Variants in SEPTIN7 observed in about 807,000 individuals in gnomAD.
SEPTIN7 encodes septin-7.
In SEPTIN7, 10 loss-of-function variants were observed where a neutral mutation model predicts 63.3. The ratio of observed to expected loss-of-function variants is 0.16; its 90% CI spans 0.10 to 0.27. The LOEUF is 0.27. Among genes scored for constraint, SEPTIN7 ranks in the 10% least tolerant of loss-of-function variants. SEPTIN7 has a pLI of 1.00. For missense variants in SEPTIN7, 310 were observed against 521.0 expected, an observed-to-expected ratio of 0.59 and a Z score of 3.94; for synonymous variants, 131 against 165.3, an observed-to-expected ratio of 0.79 and a Z score of 1.59.
intron 1 of SEPTIN7, among the ~76,000 whole-genome samples, chr7:35,804,436 G>A (rs1788194483): frequency 6.6e-6 from 1 of 152,222 alleles, no homozygotes; most frequent in Non-Finnish European, 1.5e-5. Context: ...GTTGAAGGCC[G>A]TAGACCAGAC....
chr7:35,851,444 C>G (rs1479077129), intron 3 of SEPTIN7, among the ~76,000 whole-genome samples: 1 of 152,092 alleles, frequency 6.6e-6, no homozygotes, highest in Non-Finnish European at 1.5e-5. Flanking sequence ...TAATTTGGAA[C>G]ATTCAGAAAT....
chr7:35,801,415 C>T (rs1787959804), intron 1 of SEPTIN7, 145 bp downstream of exon 1: 4 of 1,030,786 alleles, frequency 3.9e-6, no homozygotes, highest in South Asian at 1.9e-5. Flanking sequence ...CCACTGCGGG[C>T]CCGGGGCGCG....
rs1178756333 is a variant in SEPTIN7, at chr7:35,882,523, G to A, written c.670G>A (p.Glu224Lys). 4 of 1,484,342 alleles carry A rather than the reference G, an allele frequency of 2.7e-6. No homozygotes were observed. The highest frequency in any genetic ancestry group is 2.7e-6 in the Non-Finnish European group (3 of 1,106,032). The allele number at this position is 1,484,342 out of a possible 1,614,324, so 91.9% of individuals were successfully genotyped here. A position where few individuals can be genotyped will look rare whatever the true frequency, so the allele number is the denominator to read the frequency against. ...CCAAGAACATAAAATTAAAATATAC[G>A]AATTTCCAGAAACAGATGATGAAGA... ...EIQEHKIKIYEFPETDDEEEN... is the reference protein window; with the variant it reads ...EIQEHKIKIYKFPETDDEEEN... Residue 224 changes from glutamate to lysine, a missense_variant, in exon 8 of 14, where the codon GAA (glutamate) becomes AAA (lysine). Transcript: ENST00000350320.
At chr7:35,884,101 A>G in intron 9 of SEPTIN7, 114 bp downstream of exon 9, 1 of 561,494 alleles carries the variant, frequency 1.8e-6, no homozygotes, top group Non-Finnish European at 3.2e-6. Context: ...TAGATTTTCA[A>G]GGATAATACT....
intron 11 of SEPTIN7, among the ~76,000 whole-genome samples, chr7:35,891,314 G>C (rs1266355912): frequency 6.6e-6 from 1 of 152,004 alleles, no homozygotes; most frequent in Non-Finnish European, 1.5e-5. Context: ...TTAACAGTGG[G>C]GATACATTTC....
chr7:35,825,048 C>G (rs1259427137), intron 1 of SEPTIN7, among the ~76,000 whole-genome samples: 1 of 152,118 alleles, frequency 6.6e-6, no homozygotes, highest in African/African-American at 2.4e-5. Flanking sequence ...CTTACTACCT[C>G]TATCTTGGTT....
At chr7:35,885,316 C>T (rs181491767) in intron 9 of SEPTIN7, among the ~76,000 whole-genome samples, 2 of 152,238 alleles carry the variant, frequency 1.3e-5, no homozygotes, top group East Asian at 1.9e-4. Context: ...CTTAAAAATA[C>T]GCACCGGAGA....
At chr7:35,898,793 G>A (rs1451081589) in intron 12 of SEPTIN7, 1 of 153,192 alleles carries the variant, frequency 6.5e-6, no homozygotes, top group Non-Finnish European at 1.5e-5. Flanking sequence ...GTGTATGAGT[G>A]AAAAAGAGGG....
intron 6 of SEPTIN7, among the ~76,000 whole-genome samples, chr7:35,879,390 G>A (rs1278801896): frequency 1.3e-5 from 2 of 151,990 alleles, no homozygotes; most frequent in Non-Finnish European, 2.9e-5. Flanking sequence ...AGGCTGAGAT[G>A]GGAGGATCTG....
chr7:35,834,847 G>C (rs1336962475), intron 3 of SEPTIN7, among the ~76,000 whole-genome samples: 1 of 152,048 alleles, frequency 6.6e-6, no homozygotes, highest in East Asian at 1.9e-4. Flanking sequence ...AAAACTTTCA[G>C]CTATTCCTTA....
chr7:35,806,987 A>G (rs951090001), intron 1 of SEPTIN7, among the ~76,000 whole-genome samples: 1 of 152,164 alleles, frequency 6.6e-6, no homozygotes, highest in Non-Finnish European at 1.5e-5. Context: ...ATTTTCCACC[A>G]GTTTTGCTGT....
intron 1 of SEPTIN7, among the ~76,000 whole-genome samples, chr7:35,821,136 G>A (rs1789386209): frequency 6.6e-6 from 1 of 152,182 alleles, no homozygotes; most frequent in South Asian, 2.1e-4. Flanking sequence ...CAAGGCTACT[G>A]TAGAGGTAGA....
intron 3 of SEPTIN7, among the ~76,000 whole-genome samples, chr7:35,848,188 CTTAA>C (rs1207525312): frequency 2.0e-5 from 3 of 152,144 alleles, no homozygotes; most frequent in African/African-American, 4.8e-5. Context: ...CTCTTATTTT[CTTAA>C]TTAATGCTGG....
chr7:35,904,838 C>T lies in SEPTIN7; in HGVS notation c.*545C>T, dbSNP rs1788526404. 1 of 151,982 alleles carries T rather than the reference C, an allele frequency of 6.6e-6. No homozygotes were observed. Among genetic ancestry groups the T allele is most frequent in the East Asian group, 1.9e-4 (1 of 5,190 alleles). 9.4% of individuals were successfully genotyped at this position (151,982 alleles called of 1,614,324 possible). A position where few individuals can be genotyped will look rare whatever the true frequency, so the allele number is the denominator to read the frequency against. ...AAAAACCCTATATGCTTACTGTGCA[C>T]CTAGAGCTTTTTTATAACAACGTCT... is the stretch of plus-strand genomic sequence containing the variant. On this transcript the variant is annotated 3_prime_UTR_variant, in exon 14 of 14. Coordinates refer to ENST00000350320, the MANE Select transcript of SEPTIN7 (RefSeq NM_001788.6).
At position 35,896,435 on chromosome 7, in the gene SEPTIN7, CTT is replaced by C. The variant is rs1485900373; in HGVS notation, c.999-1811_999-1810del. Among the ~76,000 whole-genome samples the C allele has an allele frequency of 2.0e-5, 3 of 152,098 alleles. No individual in the cohort carries two copies. In the East Asian group the frequency reaches 5.8e-4, roughly 29 times the overall value. ...TAGGGGACAGTGGGAATTATAGACTCTTTGAAAATCTAACAAAAGCTTTGGAC... is the reference window on the plus strand; with the variant it reads ...TAGGGGACAGTGGGAATTATAGACTCTGAAAATCTAACAAAAGCTTTGGAC... On this transcript the variant is annotated intron_variant, in intron 11 of 13. Coordinates refer to ENST00000350320, the MANE Select transcript of SEPTIN7 (RefSeq NM_001788.6).
chr7:35,804,245 C>A (rs1488368880), intron 1 of SEPTIN7, among the ~76,000 whole-genome samples: 2 of 152,202 alleles, frequency 1.3e-5, no homozygotes, highest in Non-Finnish European at 2.9e-5. Context: ...TAGCCAGAAA[C>A]CAGGGTGGCT....
At chr7:35,908,016 C>G (rs1241091188), downstream of SEPTIN7, among the ~76,000 whole-genome samples, 3 of 152,136 alleles carry the variant, frequency 2.0e-5, no homozygotes, top group African/African-American at 7.2e-5. Flanking sequence ...TGCATGGTGC[C>G]ATGGTAAGTC....
At chr7:35,844,728 G>A (rs906559387) in intron 3 of SEPTIN7, among the ~76,000 whole-genome samples, 8 of 151,858 alleles carry the variant, frequency 5.3e-5, no homozygotes, top group Non-Finnish European at 2.9e-5. Context: ...TCAGCCTCCC[G>A]AGTAGCTGGG....
rs1326635378 is a variant in SEPTIN7, at chr7:35,904,614, G to A, written c.*321G>A. ...GTTCTGGTGGTTTGATTGTTTACAG[G>A]ATATTCCAAAATAAAAGGACTCTGG... On this transcript the variant is annotated 3_prime_UTR_variant, in exon 14 of 14. Coordinates refer to ENST00000350320, the MANE Select transcript of SEPTIN7 (RefSeq NM_001788.6). 1 of 195,236 alleles carries A rather than the reference G, an allele frequency of 5.1e-6. No individual in the cohort carries two copies. Among genetic ancestry groups the A allele is most frequent in the Non-Finnish European group, 1.0e-5 (1 of 96,866 alleles). The allele number at this position is 195,236 out of a possible 1,614,324, so 12.1% of individuals were successfully genotyped here.
Sources: gnomAD v4.1 joint callset for allele counts (sites outside exome capture counted in the v4.1 genomes callset) on GRCh38, gnomAD v4.1.1 for gene constraint, MANE v1.5 for transcripts, NCBI Gene and HGNC (gene_info 2026-07-23, HGNC 2026-07-21) for gene names.